CD99L2: variants seen among roughly 807,000 people sequenced by gnomAD.
CD99L2 encodes CD99 antigen-like protein 2.
A neutral mutation model predicts 27.3 loss-of-function variants in CD99L2; 24 were observed. That is an observed-to-expected ratio of 0.88 (90% confidence interval 0.64 to 1.24). The LOEUF (loss-of-function observed/expected upper bound fraction) is 1.24, where lower values mean the gene tolerates loss of function less well. Ranked by LOEUF, CD99L2 falls within the 50% of genes most tolerant of loss-of-function variation. The pLI, the probability that CD99L2 is intolerant of heterozygous loss-of-function variation, is 0.00. For synonymous variants in CD99L2, 97 were observed against 87.9 expected (o/e 1.10, Z -0.58); for missense variants, 255 against 221.6 (o/e 1.15, Z -0.96).
chrX:150,819,137 T>G (rs1040480385), intron 2 of CD99L2: 56 of 344,113 alleles, frequency 1.6e-4, no homozygotes, highest in South Asian at 1.3e-3. Flanking sequence ...TATGTGGTCT[T>G]TGGCAAGGTC....
rs782075613 is a variant in CD99L2 at position 150,898,619 on chromosome X, G to C, written c.-31C>G. The C allele has an allele frequency of 2.0e-5, 22 of 1,079,937 alleles. No individual in the cohort carries two copies. In the East Asian group the frequency reaches 8.6e-4, roughly 42 times the overall value. 89.0% of individuals were successfully genotyped at this position (1,079,937 alleles called of 1,213,427 possible). ...GGAGCAGGCGGAGGGCCCCGGAGGA[G>C]CACAGTTAGCGCGAGAGCGCCCGAA... On this transcript the variant is annotated 5_prime_UTR_variant, in exon 1 of 11. Coordinates refer to ENST00000370377, the MANE Select transcript of CD99L2 (RefSeq NM_031462.4).
chrX:150,774,629 A>G (rs1367735120), intron 9 of CD99L2, among the ~76,000 whole-genome samples: 1 of 111,981 alleles, frequency 8.9e-6, no homozygotes, highest in African/African-American at 3.3e-5. Flanking sequence ...GAACACGGTC[A>G]GAGATGAAGG....
chrX:150,769,177 T>A (rs1344953459), intron 10 of CD99L2, 76 bp from the exon 11 acceptor site: 1 of 1,072,342 alleles, frequency 9.3e-7, no homozygotes, highest in African/African-American at 2.0e-5. Flanking sequence ...AGCAAGCCCG[T>A]GCTGGGAACA....
chrX:150,824,375 AAGAAGAAAG>A (rs200913617), intron 2 of CD99L2, among the ~76,000 whole-genome samples: 4,825 of 94,568 alleles, frequency 0.051, 159 homozygotes, highest in South Asian at 0.11. Flanking sequence ...GAAGAAGAAG[AAGAAGAAAG>A]AAGAAGAAGA....
At chrX:150,813,190 C>T (rs2046098571) in intron 4 of CD99L2, among the ~76,000 whole-genome samples, 1 of 111,382 alleles carries the variant, frequency 9.0e-6, no homozygotes. Flanking sequence ...CACAAACCTA[C>T]ACACGTGATA....
At chrX:150,797,421 C>A (rs1314160111) in intron 4 of CD99L2, among the ~76,000 whole-genome samples, 1 of 111,927 alleles carries the variant, frequency 8.9e-6, no homozygotes, top group African/African-American at 3.2e-5. Flanking sequence ...TTCTCAAAAA[C>A]CACCAACTAT....
At chrX:150,846,441 G>A (rs190542598) in intron 1 of CD99L2, among the ~76,000 whole-genome samples, 3 of 110,956 alleles carry the variant, frequency 2.7e-5, no homozygotes, top group African/African-American at 9.8e-5. Context: ...ACTTAACAGC[G>A]CTATACCTCA....
intron 3 of CD99L2, 48 bp downstream of exon 3, chrX:150,815,959 A>G (rs1557420470): frequency 1.8e-6 from 2 of 1,137,600 alleles, no homozygotes; most frequent in Non-Finnish European, 2.4e-6. Context: ...CCCAGAGGGA[A>G]CTCCAGAGGG....
At chrX:150,809,243 A>G (rs190461353) in intron 4 of CD99L2, among the ~76,000 whole-genome samples, 2 of 111,683 alleles carry the variant, frequency 1.8e-5, no homozygotes, top group East Asian at 5.6e-4. Context: ...TAAGCAATCA[A>G]GTTCATGGTA....
intron 1 of CD99L2, among the ~76,000 whole-genome samples, chrX:150,891,508 G>A (rs2047511471): frequency 8.9e-6 from 1 of 111,850 alleles, no homozygotes; most frequent in South Asian, 3.7e-4. Context: ...TAAAGGACCC[G>A]GGTGATTACA....
At chrX:150,832,737 T>A (rs1460889795) in intron 1 of CD99L2, among the ~76,000 whole-genome samples, 1 of 110,650 alleles carries the variant, frequency 9.0e-6, no homozygotes, top group Non-Finnish European at 1.9e-5. Flanking sequence ...GACATGATCT[T>A]ATGTGTAGAA....
At chrX:150,863,131 C>A (rs193294879) in intron 1 of CD99L2, among the ~76,000 whole-genome samples, 1 of 112,208 alleles carries the variant, frequency 8.9e-6, no homozygotes, top group African/African-American at 3.2e-5. Context: ...TGTTATTATG[C>A]CTTTGCTACA....
At chrX:150,841,647 C>T in intron 1 of CD99L2, among the ~76,000 whole-genome samples, 1 of 111,459 alleles carries the variant, frequency 9.0e-6, no homozygotes, top group East Asian at 2.8e-4. Context: ...ATTCCCCCTA[C>T]TGCTTGCTCA....
chrX:150,771,859 A>C (rs782565857), intron 9 of CD99L2: 58 of 1,149,680 alleles, frequency 5.0e-5, no homozygotes, highest in Non-Finnish European at 6.6e-5. Flanking sequence ...TCCCTGGAGT[A>C]AGAGCGCTCC....
intron 1 of CD99L2, among the ~76,000 whole-genome samples, chrX:150,866,270 G>A (rs2047059363): frequency 9.0e-6 from 1 of 111,634 alleles, no homozygotes; most frequent in Non-Finnish European, 1.9e-5. Context: ...GGTAGGGGAT[G>A]GGATCCTGGA....
chrX:150,838,898 T>TAAA (rs1161488139), intron 1 of CD99L2, among the ~76,000 whole-genome samples: 3 of 23,570 alleles, frequency 1.3e-4, no homozygotes, highest in Non-Finnish European at 2.2e-4. Flanking sequence ...ATCATATCAG[T>TAAA]AAAAAAAAAA....
At chrX:150,864,170 T>C (rs1231588111) in intron 1 of CD99L2, among the ~76,000 whole-genome samples, 4 of 111,895 alleles carry the variant, frequency 3.6e-5, no homozygotes, top group Non-Finnish European at 5.6e-5. Context: ...CTGACAGGCT[T>C]CCTGGAAGCT....
intron 7 of CD99L2, among the ~76,000 whole-genome samples, chrX:150,784,826 A>C (rs970563416): frequency 2.0e-4 from 23 of 112,347 alleles, no homozygotes; most frequent in African/African-American, 6.5e-4. Context: ...AGAAGCAAAA[A>C]AGATAAACAC....
intron 1 of CD99L2, among the ~76,000 whole-genome samples, chrX:150,841,542 C>T (rs2046623529): frequency 8.9e-6 from 1 of 111,862 alleles, no homozygotes; most frequent in South Asian, 3.7e-4. Flanking sequence ...ATGGGTCTTC[C>T]TTCAAATCTC....
Sources: allele counts gnomAD v4.1 joint callset (sites outside exome capture counted in the v4.1 genomes callset), GRCh38; gene constraint gnomAD v4.1.1; transcripts MANE v1.5; gene names NCBI Gene and HGNC (gene_info 2026-07-23, HGNC 2026-07-21).